Variants in DSC2 observed in about 807,000 individuals in gnomAD.
DSC2 encodes the protein desmocollin 2.
Under a neutral mutation model 87.6 loss-of-function variants are expected in DSC2, and 51 were observed. The ratio of observed to expected loss-of-function variants is 0.58; its 90% CI spans 0.46 to 0.74. The LOEUF (loss-of-function observed/expected upper bound fraction) is 0.74, where lower values mean the gene tolerates loss of function less well. DSC2 is among the 30% of genes least tolerant of loss of function. DSC2 has a pLI of 0.00. For synonymous variants in DSC2, 383 were observed against 393.2 expected (o/e 0.97, Z 0.31); for missense variants, 1,066 against 1,089.5 (o/e 0.98, Z 0.30).
chr18:31,094,670 G>A (rs1372974295), intron 1 of DSC2, among the ~76,000 whole-genome samples: 1 of 152,140 alleles, frequency 6.6e-6, no homozygotes, highest in African/African-American at 2.4e-5. Context: ...TCAAAATTTG[G>A]ATGGAAATGT....
At position 31,063,582 on chromosome 18, in the gene DSC2, G is replaced by T. The variant is rs959696197; in HGVS notation, c.*4433C>A. 9 of 152,064 alleles carry T rather than the reference G, an allele frequency of 5.9e-5. No individual in the cohort carries two copies. The highest frequency in any genetic ancestry group is 1.2e-4 in the Non-Finnish European group (8 of 68,006). 9.4% of individuals were successfully genotyped at this position (152,064 alleles called of 1,614,324 possible). On this transcript the variant is annotated 3_prime_UTR_variant, in exon 16 of 16. Coordinates refer to ENST00000280904, the MANE Select transcript of DSC2 (RefSeq NM_024422.6). ...ACATTGTAAAAAGAGAACTAATCATGAGCAAGGCACAAATTGAAAAATGAA... is the reference window on the plus strand; with the variant it reads ...ACATTGTAAAAAGAGAACTAATCATTAGCAAGGCACAAATTGAAAAATGAA...
At chr18:31,087,913 T>G in intron 5 of DSC2, 100 bp from the exon 6 acceptor site, 1 of 1,192,852 alleles carries the variant, frequency 8.4e-7, no homozygotes, top group South Asian at 1.3e-5. Flanking sequence ...TGTTCAGAAC[T>G]ACAGTATGAG....
chr18:31,068,063 A>G lies in DSC2; in HGVS notation c.2658T>C (p.Asn886=). ...QEEDGLEFLD[N]LEPKFRTLAE... ...CTAGTGTCCTAAATTTGGGCTCCAA[A>G]TTATCCAAAAATTCAAGCCCATCTT... The change falls in exon 16 of 16, where the codon AAT becomes AAC. Residue 886 remains asparagine, a synonymous_variant. Coordinates refer to ENST00000280904, the MANE Select transcript of DSC2 (RefSeq NM_024422.6). 6.2e-7 allele frequency: 1 copy of G among 1,613,966 alleles called. No individual in the cohort carries two copies. The highest frequency in any genetic ancestry group is 1.3e-5 in the African/African-American group (1 of 75,004).
chr18:31,066,367 A>G lies in DSC2; in HGVS notation c.*1648T>C, dbSNP rs2144776393. On this transcript the variant is annotated 3_prime_UTR_variant, in exon 16 of 16. Coordinates refer to ENST00000280904, the MANE Select transcript of DSC2 (RefSeq NM_024422.6). ...ATGAACAAACTCACACTAAGTTTTA[A>G]AAACTGCTTAATTTACTTTATCATG... 6.6e-6 allele frequency: 1 copy of G among 152,292 alleles called. No homozygotes were observed. The highest frequency in any genetic ancestry group is 1.5e-5 in the Non-Finnish European group (1 of 68,000). 9.4% of individuals were successfully genotyped at this position (152,292 alleles called of 1,614,324 possible). A position where few individuals can be genotyped will look rare whatever the true frequency, so the allele number is the denominator to read the frequency against.
chr18:31,097,791 T>C (rs1008403678), intron 1 of DSC2, among the ~76,000 whole-genome samples: 1 of 151,884 alleles, frequency 6.6e-6, no homozygotes, highest in African/African-American at 2.4e-5. Context: ...CTTTTTATTA[T>C]ACCCACCAAT....
intron 1 of DSC2, among the ~76,000 whole-genome samples, chr18:31,095,084 G>A (rs1486291604): frequency 6.6e-6 from 1 of 152,210 alleles, no homozygotes; most frequent in Non-Finnish European, 1.5e-5. Flanking sequence ...CCAAGGCAGC[G>A]AGAGATAAAT....
At chr18:31,086,776 C>T (rs771175810) in intron 6 of DSC2, 34 bp from the exon 7 acceptor site, 64 of 1,600,894 alleles carry the variant, frequency 4.0e-5, no homozygotes, top group Non-Finnish European at 2.1e-5. Flanking sequence ...ATCTCCAAAA[C>T]ATTCACATGT....
rs1169002392 is a variant in DSC2, at chr18:31,068,962, T to A, written c.2440A>T (p.Thr814Ser). Residue 814 changes from threonine to serine, a missense_variant, in exon 15 of 16, where the codon ACG becomes TCG. Thr to Ser is a moderately conservative substitution (Grantham distance 58, BLOSUM62 1). Transcript: ENST00000280904. Reference sequence around the variant, plus strand: ...GTGTATCTGCAGTTGTCCACCTCCGTGTGTCCTCCCCTGCAGGAGTCCAGG... The same window carrying A: ...GTGTATCTGCAGTTGTCCACCTCCGAGTGTCCTCCCCTGCAGGAGTCCAGG... ...HTLDSCRGGH[T>S]EVDNCRYTYS... The A allele has an allele frequency of 6.2e-7, 1 of 1,613,976 alleles. No homozygotes were observed. Among genetic ancestry groups the A allele is most frequent in the African/African-American group, 1.3e-5 (1 of 74,902 alleles).
chr18:31,095,713 T>C (rs904410440), intron 1 of DSC2, among the ~76,000 whole-genome samples: 6 of 152,132 alleles, frequency 3.9e-5, no homozygotes, highest in Non-Finnish European at 7.4e-5. Context: ...ATGATCCTCA[T>C]GAAACATTCA....
chr18:31,095,314 G>A (rs187540121), intron 1 of DSC2, among the ~76,000 whole-genome samples: 1 of 152,146 alleles, frequency 6.6e-6, no homozygotes, highest in African/African-American at 2.4e-5. Context: ...AAAACAAAAG[G>A]ACAGTCAATG....
chr18:31,077,067 G>GA (rs1012309376), intron 11 of DSC2, among the ~76,000 whole-genome samples: 3 of 151,810 alleles, frequency 2.0e-5, no homozygotes, highest in East Asian at 3.9e-4. Flanking sequence ...TTCCACAATT[G>GA]AAAAAAATAT....
Position 31,060,005 on chromosome 18 carries a change from A to G in DSC2, c.*8010T>C, listed in dbSNP as rs188909956. 5 of 152,296 alleles carry G rather than the reference A, an allele frequency of 3.3e-5. No homozygotes were observed. The highest frequency in any genetic ancestry group is 1.2e-4 in the African/African-American group (5 of 41,592). 9.4% of individuals were successfully genotyped at this position (152,296 alleles called of 1,614,324 possible). A position where few individuals can be genotyped will look rare whatever the true frequency, so the allele number is the denominator to read the frequency against. On this transcript the variant is annotated 3_prime_UTR_variant, in exon 16 of 16. Coordinates refer to ENST00000280904, the MANE Select transcript of DSC2 (RefSeq NM_024422.6). ...GGTTTCTGTGATTTCCCAAGGTAAC[A>G]CAGCAAGAACAAAGCTGAGATTTGG...
Position 31,062,048 on chromosome 18 carries a change from T to G in DSC2, c.*5967A>C, listed in dbSNP as rs2144767985. 6.6e-6 allele frequency: 1 copy of G among 152,292 alleles called. No individual in the cohort carries two copies. Among genetic ancestry groups the G allele is most frequent in the African/African-American group, 2.4e-5 (1 of 41,554 alleles). 9.4% of individuals were successfully genotyped at this position (152,292 alleles called of 1,614,324 possible). A position where few individuals can be genotyped will look rare whatever the true frequency, so the allele number is the denominator to read the frequency against. ...TTACGTGTTATCTTCCAAGTGACAT[T>G]ATCAGTTCACAGCACAATATAGGCA... is the stretch of plus-strand genomic sequence containing the variant. On this transcript the variant is annotated 3_prime_UTR_variant, in exon 16 of 16. Coordinates refer to ENST00000280904, the MANE Select transcript of DSC2 (RefSeq NM_024422.6).
Position 31,096,470 on chromosome 18 carries a change from G to C in DSC2, c.70-2827C>G, listed in dbSNP as rs192126656. ...AAGAGGATCCGCTCCACATTAATCT[G>C]GGACCCAAATGCTAAATCTTCATTA... On this transcript the variant is annotated intron_variant, in intron 1 of 15. Transcript: ENST00000280904. 1.1e-4 allele frequency among the ~76,000 whole-genome samples: 16 copies of C among 152,228 alleles called. No individual in the cohort carries two copies. The East Asian group carries it at 3.1e-3, about 29-fold the overall frequency.
At chr18:31,101,365 C>T in intron 1 of DSC2, 1 of 768,464 alleles carries the variant, frequency 1.3e-6, no homozygotes, top group Non-Finnish European at 1.6e-6. Context: ...ACTCGCTCTC[C>T]GTCCCGGCCG....
Position 31,102,218 on chromosome 18 carries a change from C to T in DSC2, c.-247G>A. 2.3e-6 allele frequency: 1 copy of T among 437,154 alleles called. No individual in the cohort carries two copies. Among genetic ancestry groups the T allele is most frequent in the East Asian group, 3.6e-5 (1 of 27,432 alleles). The allele number at this position is 437,154 out of a possible 1,614,324, so 27.1% of individuals were successfully genotyped here. ...GTCCAAAAGACACCGATCGGCCCCT[C>T]CTTGTTGTCTATTTAAGACTTAAGA... On this transcript the variant is annotated 5_prime_UTR_variant, in exon 1 of 16. Coordinates refer to ENST00000280904, the MANE Select transcript of DSC2 (RefSeq NM_024422.6).
Position 31,086,645 on chromosome 18 carries a change from T to C in DSC2, c.873A>G (p.Ser291=). The change falls in exon 7 of 16, where the codon TCA becomes TCG. Residue 291 remains serine, a synonymous_variant. Transcript: ENST00000280904. ...TTGGATGCATAGAAAATAGGGTGGG[T>C]GATGGTGGCACCTGCCCAATGATGG... ...KYSIIGQVPP[S]PTLFSMHPTT... 6.2e-7 allele frequency: 1 copy of C among 1,614,130 alleles called. No homozygotes were observed. Among genetic ancestry groups the C allele is most frequent in the Non-Finnish European group, 8.5e-7 (1 of 1,180,008 alleles).
rs775125573 is a variant in DSC2 at position 31,068,390 on chromosome 18, C to T, written c.2509-178G>A. On this transcript the variant is annotated intron_variant, in intron 15 of 15. Coordinates refer to ENST00000280904, the MANE Select transcript of DSC2 (RefSeq NM_024422.6). ...TGATTGGTCTGTTTCATACATCACA[C>T]TATAAATTCAGTATAGCATGTTTCT... 3.8e-6 allele frequency: 6 copies of T among 1,575,266 alleles called. No homozygotes were observed. In the East Asian group the frequency reaches 6.7e-5, roughly 18 times the overall value.
At position 31,087,732 on chromosome 18, in the gene DSC2, C is replaced by A; in HGVS notation, c.712G>T (p.Asp238Tyr). ...TCTTCTGTAAAAATTGGGTAGTTAT[C>A]ATTTTCATCCTCTATTTTGATTATT... ...PLIIKIEDEN[D>Y]NYPIFTEETY... is the part of the protein sequence containing the mutation. Residue 238 changes from aspartate to tyrosine, a missense_variant, in exon 6 of 16, where the codon GAT (aspartate) becomes TAT (tyrosine). Coordinates refer to ENST00000280904, the MANE Select transcript of DSC2 (RefSeq NM_024422.6). 6.2e-7 allele frequency: 1 copy of A among 1,613,818 alleles called. No individual in the cohort carries two copies. Among genetic ancestry groups the A allele is most frequent in the Non-Finnish European group, 8.5e-7 (1 of 1,179,838 alleles).
Sources: allele counts gnomAD v4.1 joint callset (sites outside exome capture counted in the v4.1 genomes callset), GRCh38; gene constraint gnomAD v4.1.1; transcripts MANE v1.5; gene names NCBI Gene and HGNC (gene_info 2026-07-23, HGNC 2026-07-21).